DNAJC6: variants seen among roughly 807,000 people sequenced by gnomAD.
DNAJC6 encodes the protein auxilin.
In DNAJC6, 34 loss-of-function variants were observed where a neutral mutation model predicts 110.0. The observed-to-expected ratio is 0.31, with a 90% CI of 0.24 to 0.41. The LOEUF is 0.41. Among genes scored for constraint, DNAJC6 ranks in the 10% least tolerant of loss-of-function variants. The pLI, the probability that DNAJC6 is intolerant of heterozygous loss-of-function variation, is 1.00. For synonymous variants in DNAJC6, 406 were observed against 437.2 expected (o/e 0.93, Z 0.89); for missense variants, 1,031 against 1,207.8 (o/e 0.85, Z 2.17).
At position 65,392,432 on chromosome 1, in the gene DNAJC6, T is replaced by A. The variant is rs755149320; in HGVS notation, c.1470T>A (p.Asp490Glu). 9 of 1,590,542 alleles carry A rather than the reference T, an allele frequency of 5.7e-6. No individual in the cohort carries two copies. The South Asian group carries it at 1.0e-4, about 18-fold the overall frequency. Residue 490 changes from aspartate (D) to glutamate (E), a missense_variant and splice_region_variant, in exon 12 of 19, where the codon GAT becomes GAA. Physicochemically the swap from Asp to Glu is conservative, Grantham distance 45. Transcript: ENST00000371069. ...TTATGGTATACTGGCCTTCCTCAGA[T>A]CAGAAATCGGAGAAGTCATTCTGTG... ...SGFFASLCWQDQKSEKSFCEE... is the reference protein window; with the variant it reads ...SGFFASLCWQEQKSEKSFCEE...
chr1:65,272,147 A>G (rs1653527446), intron 1 of DNAJC6, among the ~76,000 whole-genome samples: 1 of 152,198 alleles, frequency 6.6e-6, no homozygotes, highest in Admixed American at 6.5e-5. Context: ...TCTTAGGGGA[A>G]AAGCTATCAC....
At chr1:65,391,305 T>G (rs746679174) in intron 11 of DNAJC6, among the ~76,000 whole-genome samples, 3 of 152,326 alleles carry the variant, frequency 2.0e-5, no homozygotes, top group Non-Finnish European at 2.9e-5. Context: ...TTATTACATT[T>G]TATAATTTGG....
rs1463414540 is a variant in DNAJC6 at position 65,395,021 on chromosome 1, C to G, written c.2027C>G (p.Pro676Arg). 6.2e-7 allele frequency: 1 copy of G among 1,610,226 alleles called. No individual in the cohort carries two copies. The highest frequency in any genetic ancestry group is 2.2e-5 in the East Asian group (1 of 44,484). Residue 676 changes from proline (P) to arginine (R), a missense_variant, in exon 13 of 19, where the codon CCC (proline) becomes CGC (arginine). Transcript: ENST00000371069. ...PFLQPTRSPS[P>R]TVHASSTPAV... ...CTCCAGCCAACAAGAAGTCCTTCGC[C>G]CACAGTACATGGTAAGGAAATATTT...
In DNAJC6 at chr1:65,414,720, G is replaced by A. The variant is rs207460156; in HGVS notation, c.*1695G>A. The A allele has an allele frequency of 3.9e-5, 6 of 152,620 alleles. No homozygotes were observed. Among genetic ancestry groups the A allele is most frequent in the African/African-American group, 1.4e-4 (6 of 41,526 alleles). 9.5% of individuals were successfully genotyped at this position (152,620 alleles called of 1,614,324 possible). ...TGTTCAAGGTAACCATAACAAACTA[G>A]GTGTTATTTATTAACGTATTATAAA... On this transcript the variant is annotated 3_prime_UTR_variant, in exon 19 of 19. Transcript: ENST00000371069.
chr1:65,319,534 T>G (rs9436709), intron 1 of DNAJC6, among the ~76,000 whole-genome samples: 121,387 of 152,158 alleles, frequency 0.8, 49,168 homozygotes, highest in African/African-American at 0.95. Context: ...TCCTTGCTTG[T>G]TGATGGAGGC....
intron 1 of DNAJC6, among the ~76,000 whole-genome samples, chr1:65,354,900 T>TTA (rs1184478727): frequency 3.3e-5 from 5 of 152,160 alleles, no homozygotes; most frequent in Non-Finnish European, 7.4e-5. Flanking sequence ...AGTATTCTTG[T>TTA]TACTAGCTAA....
Position 65,413,141 on chromosome 1 carries a change from C to T in DNAJC6, c.*116C>T, listed in dbSNP as rs1223663883. ...CAGTAACATGTTTTCAGTACTAAAC[C>T]GTTAAGTTACTCATGAATTAATTTC... is the stretch of plus-strand genomic sequence containing the variant. On this transcript the variant is annotated 3_prime_UTR_variant, in exon 19 of 19. Coordinates refer to ENST00000371069, the MANE Select transcript of DNAJC6 (RefSeq NM_001256864.2). The T allele has an allele frequency of 1.6e-5, 12 of 747,272 alleles. No homozygotes were observed. Among genetic ancestry groups the T allele is most frequent in the Admixed American group, 8.1e-5 (3 of 37,012 alleles). 46.3% of individuals were successfully genotyped at this position (747,272 alleles called of 1,614,324 possible).
intron 1 of DNAJC6, among the ~76,000 whole-genome samples, chr1:65,340,812 G>A (rs1055261042): frequency 6.6e-6 from 1 of 152,162 alleles, no homozygotes; most frequent in Non-Finnish European, 1.5e-5. Context: ...TAGGGCTGTG[G>A]CTGTGTTATT....
intron 14 of DNAJC6, 74 bp downstream of exon 14, chr1:65,398,955 A>T: frequency 6.8e-7 from 1 of 1,467,124 alleles, no homozygotes; most frequent in South Asian, 1.2e-5. Flanking sequence ...TGAAGTGAGT[A>T]CTCACAGAGT....
At chr1:65,354,953 A>C (rs1645527768) in intron 1 of DNAJC6, among the ~76,000 whole-genome samples, 1 of 152,176 alleles carries the variant, frequency 6.6e-6, no homozygotes, top group Non-Finnish European at 1.5e-5. Flanking sequence ...AGGGAATGCC[A>C]GCCAAACCTT....
At chr1:65,355,443 G>A (rs1645534208) in intron 1 of DNAJC6, among the ~76,000 whole-genome samples, 1 of 152,072 alleles carries the variant, frequency 6.6e-6, no homozygotes, top group Admixed American at 6.6e-5. Context: ...CTGCTCTGTG[G>A]CCTCTGCCTG....
At chr1:65,267,832 G>T (rs1653384829) in intron 1 of DNAJC6, among the ~76,000 whole-genome samples, 1 of 152,010 alleles carries the variant, frequency 6.6e-6, no homozygotes, top group Non-Finnish European at 1.5e-5. Context: ...CTTTAGGGCT[G>T]CTGGGAGATG....
intron 1 of DNAJC6, among the ~76,000 whole-genome samples, chr1:65,303,209 T>C (rs1446087097): frequency 6.6e-6 from 1 of 152,238 alleles, no homozygotes; most frequent in Non-Finnish European, 1.5e-5. Flanking sequence ...AGATACTTAC[T>C]GAACACCTAT....
intron 1 of DNAJC6, among the ~76,000 whole-genome samples, chr1:65,293,868 T>C (rs531790409): frequency 6.6e-6 from 1 of 152,214 alleles, no homozygotes; most frequent in East Asian, 1.9e-4. Flanking sequence ...ATCAAACTTA[T>C]GTTCTATTAG....
intron 1 of DNAJC6, among the ~76,000 whole-genome samples, chr1:65,342,115 T>A (rs1365420281): frequency 6.6e-6 from 1 of 152,130 alleles, no homozygotes; most frequent in Non-Finnish European, 1.5e-5. Context: ...CCTTTTATGT[T>A]TTAAGCTTTT....
chr1:65,398,973 C>A, intron 14 of DNAJC6, 92 bp downstream of exon 14: 1 of 1,298,896 alleles, frequency 7.7e-7, no homozygotes, highest in Non-Finnish European at 1.1e-6. Context: ...AGTATTGTGG[C>A]CTACCTGTGT....
rs190473887 is a variant in DNAJC6, at chr1:65,337,457, T to C, written c.194-27178T>C. 1.9e-3 allele frequency among the ~76,000 whole-genome samples: 294 copies of C among 152,230 alleles called. 1 individual carries two copies. The highest frequency in any genetic ancestry group is 6.7e-3 in the African/African-American group (279 of 41,536). ...TCAAAAATAAAAAGTAGGTCCCCTA[T>C]CCTTCTCTGAGGGTGACTTATGAAG... On this transcript the variant is annotated intron_variant, in intron 1 of 18. Transcript: ENST00000371069.
rs760750070 is a variant in DNAJC6 at position 65,394,943 on chromosome 1, A to G, written c.1949A>G (p.Gln650Arg). The G allele has an allele frequency of 2.4e-5, 39 of 1,611,362 alleles. No individual in the cohort carries two copies. Among genetic ancestry groups the G allele is most frequent in the South Asian group, 2.3e-4 (21 of 90,306 alleles). The change falls in exon 13 of 19, where the codon CAG becomes CGG. Residue 650 changes from glutamine (Q) to arginine (R), a missense_variant. Coordinates refer to ENST00000371069, the MANE Select transcript of DNAJC6 (RefSeq NM_001256864.2). ...GGAGCACCTTCTAAACCATCAGGTC[A>G]GGATTTGCTGGGTTCTTTTCTGAAC... ...PFGAPSKPSG[Q>R]DLLGSFLNTS...
chr1:65,344,183 G>A (rs1441269945), intron 1 of DNAJC6, among the ~76,000 whole-genome samples: 1 of 152,194 alleles, frequency 6.6e-6, no homozygotes. Context: ...GGTGCAGCCT[G>A]CAGAAGGAAA....
Sources: gnomAD v4.1 joint callset for allele counts (sites outside exome capture counted in the v4.1 genomes callset) on GRCh38, gnomAD v4.1.1 for gene constraint, MANE v1.5 for transcripts, NCBI Gene and HGNC (gene_info 2026-07-23, HGNC 2026-07-21) for gene names.